The following ADGRL3 variants were observed in gnomAD, a reference collection of about 807,000 sequenced individuals.
The protein encoded by ADGRL3 is adhesion G protein-coupled receptor L3.
In ADGRL3, 62 loss-of-function variants were observed where a neutral mutation model predicts 153.5. The ratio of observed to expected loss-of-function variants is 0.40; its 90% confidence interval spans 0.33 to 0.50. The LOEUF (loss-of-function observed/expected upper bound fraction) is 0.50, where lower values mean the gene tolerates loss of function less well. Among genes scored for constraint, ADGRL3 ranks in the 20% least tolerant of loss-of-function variants. ADGRL3 has a pLI of 0.47. For synonymous variants in ADGRL3, 710 were observed against 672.5 expected, an observed-to-expected ratio of 1.06 and a Z score of -0.86; for missense variants, 1,641 against 1,859.4, an observed-to-expected ratio of 0.88 and a Z score of 2.16.
intron 9 of ADGRL3, among the ~76,000 whole-genome samples, chr4:61,875,901 C>T (rs542777902): frequency 1.2e-3 from 187 of 151,982 alleles, no homozygotes; most frequent in Middle Eastern, 0.01. Flanking sequence ...TAAATTGAAC[C>T]CAGGCCAGGT....
chr4:61,743,806 C>T (rs913005652), intron 8 of ADGRL3, among the ~76,000 whole-genome samples: 2 of 152,196 alleles, frequency 1.3e-5, no homozygotes, highest in African/African-American at 4.8e-5. Context: ...GTGATTTCTG[C>T]ATTTCCATCT....
At position 61,425,947 on chromosome 4, in the gene ADGRL3, A is replaced by C. The variant is rs773275540; in HGVS notation, c.-174+42758A>C. On this transcript the variant is annotated intron_variant, in intron 2 of 26. Transcript: ENST00000683033. Reference sequence around the variant, plus strand: ...CAACAGCAGATTACCATTCGTCCCCATATCTAGTGAGAGGAGGTCATCCTT... The same window carrying C: ...CAACAGCAGATTACCATTCGTCCCCCTATCTAGTGAGAGGAGGTCATCCTT... Among the ~76,000 whole-genome samples, 70 of 152,144 alleles carry C rather than the reference A, an allele frequency of 4.6e-4. 1 individual carries two copies. The highest frequency in any genetic ancestry group is 8.8e-4 in the Non-Finnish European group (60 of 68,016).
rs551533209 is a variant in ADGRL3, at chr4:61,767,600, T to C, written c.1399+34046T>C. Among the ~76,000 whole-genome samples, 5 of 152,178 alleles carry C rather than the reference T, an allele frequency of 3.3e-5. No individual in the cohort carries two copies. In the South Asian group the frequency reaches 1.0e-3, roughly 32 times the overall value. ...CAAGAAGGAGTCAGTCAGAGAGCCT[T>C]GGGCCAGAGTTCCAGGAGCTCTGGG... On this transcript the variant is annotated intron_variant, in intron 8 of 26. Transcript: ENST00000683033.
intron 8 of ADGRL3, among the ~76,000 whole-genome samples, chr4:61,750,486 T>G (rs1235596204): frequency 6.6e-6 from 1 of 152,136 alleles, no homozygotes; most frequent in Non-Finnish European, 1.5e-5. Flanking sequence ...AAAAGCAGGA[T>G]GGACATATAT....
chr4:61,440,040 A>AT (rs1285267431), intron 2 of ADGRL3, among the ~76,000 whole-genome samples: 1 of 151,760 alleles, frequency 6.6e-6, no homozygotes, highest in Admixed American at 6.6e-5. Context: ...TTTTATTTTT[A>AT]TTTTATTTCA....
rs1035727252 is a variant in ADGRL3, at chr4:61,449,701, A to G, written c.-173-47420A>G. ...TTAAAGTATTTCCACACAGGAAGCT[A>G]TTATTTAGATAATAGGAACATCTCA... On this transcript the variant is annotated intron_variant, in intron 2 of 26. Transcript: ENST00000683033. 1.2e-4 allele frequency among the ~76,000 whole-genome samples: 18 copies of G among 152,160 alleles called. 1 individual carries two copies. In the East Asian group the frequency reaches 2.9e-3, roughly 25 times the overall value.
intron 5 of ADGRL3, among the ~76,000 whole-genome samples, chr4:61,634,424 G>T (rs2093327344): frequency 6.6e-6 from 1 of 152,058 alleles, no homozygotes; most frequent in African/African-American, 2.4e-5. Context: ...CATGCAAAGA[G>T]GCCATCATTA....
intron 6 of ADGRL3, among the ~76,000 whole-genome samples, chr4:61,709,449 T>A (rs531755179): frequency 6.6e-6 from 1 of 152,302 alleles, no homozygotes; most frequent in South Asian, 2.1e-4. Flanking sequence ...ATTTTGCATA[T>A]AATAATAAGA....
intron 9 of ADGRL3, among the ~76,000 whole-genome samples, chr4:61,889,946 A>G (rs1211153945): frequency 6.6e-6 from 1 of 152,236 alleles, no homozygotes; most frequent in Non-Finnish European, 1.5e-5. Flanking sequence ...ACCTTCATTT[A>G]GAAAGTATTC....
rs556542127 is a variant in ADGRL3 at position 61,871,269 on chromosome 4, C to T, written c.1481-21387C>T. ...CTCCAGCCTGGGTGACAGAGTGAGA[C>T]TCCATCTCAGAAAAAAAAAAAAAAG... On this transcript the variant is annotated intron_variant, in intron 9 of 26. Transcript: ENST00000683033. 2.7e-5 allele frequency among the ~76,000 whole-genome samples: 4 copies of T among 147,800 alleles called. No homozygotes were observed. The East Asian group carries it at 7.9e-4, about 29-fold the overall frequency.
rs1273428380 is a variant in ADGRL3 at position 61,476,399 on chromosome 4, G to C, written c.-173-20722G>C. Among the ~76,000 whole-genome samples, 3 of 151,824 alleles carry C rather than the reference G, an allele frequency of 2.0e-5. No homozygotes were observed. The South Asian group carries it at 6.2e-4, about 32-fold the overall frequency. ...ACACCGCCATGCCTGGCTAATTTTT[G>C]TAGTTTTAGAAAAGACAGGGTTTTG... On this transcript the variant is annotated intron_variant, in intron 2 of 26. Coordinates refer to ENST00000683033, the MANE Select transcript of ADGRL3 (RefSeq NM_001387552.1).
intron 1 of ADGRL3, among the ~76,000 whole-genome samples, chr4:61,214,006 A>G (rs1394232177): frequency 6.6e-6 from 1 of 152,302 alleles, no homozygotes; most frequent in East Asian, 1.9e-4. Flanking sequence ...CTTTCTTAAG[A>G]ATTGTTAACT....
chr4:61,838,138 A>G (rs2097965112), intron 9 of ADGRL3, among the ~76,000 whole-genome samples: 1 of 152,196 alleles, frequency 6.6e-6, no homozygotes, highest in South Asian at 2.1e-4. Flanking sequence ...CTATAGCTAA[A>G]TAAATACCTC....
chr4:62,015,900 A>T (rs2099208936), intron 21 of ADGRL3, among the ~76,000 whole-genome samples: 1 of 151,854 alleles, frequency 6.6e-6, no homozygotes. Flanking sequence ...AATATAAATA[A>T]GTATATAATT....
At chr4:61,473,257 G>C (rs1008832241) in intron 2 of ADGRL3, among the ~76,000 whole-genome samples, 1 of 151,340 alleles carries the variant, frequency 6.6e-6, no homozygotes, top group African/African-American at 2.4e-5. Context: ...TTTTTTTTAA[G>C]TAGGGGAAAC....
At chr4:61,303,035 A>C (rs764670413) in intron 1 of ADGRL3, among the ~76,000 whole-genome samples, 3 of 152,204 alleles carry the variant, frequency 2.0e-5, no homozygotes, top group African/African-American at 4.8e-5. Flanking sequence ...TATTAAATAT[A>C]ATATAGACAT....
intron 1 of ADGRL3, among the ~76,000 whole-genome samples, chr4:61,339,471 G>A (rs558828609): frequency 1.2e-4 from 19 of 152,120 alleles, no homozygotes; most frequent in Non-Finnish European, 2.5e-4. Context: ...GAATAAGTGA[G>A]CTGGCATTGG....
At chr4:61,270,626 A>C (rs1007357534) in intron 1 of ADGRL3, among the ~76,000 whole-genome samples, 1 of 151,838 alleles carries the variant, frequency 6.6e-6, no homozygotes, top group African/African-American at 2.4e-5. Flanking sequence ...CCGAGGCAGG[A>C]AATTATTGTT....
chr4:61,449,836 A>G (rs2097652449), intron 2 of ADGRL3, among the ~76,000 whole-genome samples: 1 of 152,310 alleles, frequency 6.6e-6, no homozygotes, highest in Admixed American at 6.5e-5. Context: ...ACTTAATATT[A>G]GTCAATGGCA....
Sources: allele counts gnomAD v4.1 joint callset (sites outside exome capture counted in the v4.1 genomes callset), GRCh38; gene constraint gnomAD v4.1.1; transcripts MANE v1.5; gene names NCBI Gene and HGNC (gene_info 2026-07-23, HGNC 2026-07-21).